FAT2: variants seen among roughly 807,000 people sequenced by gnomAD.
FAT2 encodes the protein FAT atypical cadherin 2.
A neutral mutation model predicts 295.3 loss-of-function variants in FAT2; 150 were observed. The observed-to-expected ratio is 0.51, with a 90% CI of 0.44 to 0.58. The LOEUF is 0.58. Ranked by LOEUF, FAT2 falls within the 20% of genes least tolerant of loss-of-function variation. FAT2 has a pLI of 0.00. For synonymous variants in FAT2, 2,026 were observed against 2,150.3 expected, an observed-to-expected ratio of 0.94 and a Z score of 1.60; for missense variants, 4,868 against 5,442.7, an observed-to-expected ratio of 0.89 and a Z score of 3.32.
At chr5:151,592,435 C>A (rs1436813856), upstream of FAT2, among the ~76,000 whole-genome samples, 1 of 152,028 alleles carries the variant, frequency 6.6e-6, no homozygotes, top group Non-Finnish European at 1.5e-5. Flanking sequence ...TCCCCTCCCT[C>A]CCCCCAGGTC....
intron 1 of FAT2, among the ~76,000 whole-genome samples, chr5:151,574,835 C>CAAAT (rs10670469): frequency 0.46 from 70,019 of 151,786 alleles, 16,212 homozygotes; most frequent in Middle Eastern, 0.5. Flanking sequence ...TATAACAAAA[C>CAAAT]AACTGGATGT....
At chr5:151,541,299 A>G (rs545460180) in intron 10 of FAT2, among the ~76,000 whole-genome samples, 1 of 152,364 alleles carries the variant, frequency 6.6e-6, no homozygotes, top group Non-Finnish European at 1.5e-5. Context: ...AGATCCTAAG[A>G]TTCCAGAGTT....
chr5:151,552,214 G>A (rs572825320), intron 6 of FAT2, among the ~76,000 whole-genome samples: 82 of 152,146 alleles, frequency 5.4e-4, no homozygotes, highest in South Asian at 1.2e-3. Context: ...CCTTGGACTC[G>A]GCCTCAAGTG....
intron 3 of FAT2, among the ~76,000 whole-genome samples, chr5:151,558,565 T>A (rs1400636468): frequency 6.6e-6 from 1 of 150,932 alleles, no homozygotes; most frequent in Non-Finnish European, 1.5e-5. Context: ...TGAGCCAAGA[T>A]CTCACCACTG....
rs139272925 is a variant in FAT2, at chr5:151,531,706, G to A, written c.9692C>T (p.Ala3231Val). 7 of 1,613,750 alleles carry A rather than the reference G, an allele frequency of 4.3e-6. No individual in the cohort carries two copies. In the African/African-American group the frequency reaches 5.3e-5, roughly 12 times the overall value. ...TEHSVQVPED[A>V]PPGTEVLQLA... Reference sequence around the variant, plus strand: ...CTGCAGCACCTCCGTGCCAGGTGGGGCGTCCTCGGGCACCTGCACGCTGTG... The same window carrying A: ...CTGCAGCACCTCCGTGCCAGGTGGGACGTCCTCGGGCACCTGCACGCTGTG... The change falls in exon 14 of 24, where the codon GCC becomes GTC. Residue 3231 changes from alanine (A) to valine (V), a missense_variant. By Grantham distance (64) the Ala-to-Val change is moderately conservative. Around this residue, in one of 5 missense-constraint regions of FAT2, gnomAD observed 1,046 missense variants for 1,210.1 expected, o/e 0.86. Transcript: ENST00000261800. This position sits in a 1 kb window ranked among gnomAD's most constrained non-coding sequence, Gnocchi z 5.7.
In FAT2 at chr5:151,568,027, G is replaced by T; in HGVS notation, c.905C>A (p.Ala302Asp). 2 of 1,614,158 alleles carry T rather than the reference G, an allele frequency of 1.2e-6. No homozygotes were observed. The highest frequency in any genetic ancestry group is 1.7e-6 in the Non-Finnish European group (2 of 1,180,032). ...VGGDPGKHFK[A>D]IKSYARSNEF... Reference sequence around the variant, plus strand: ...ATTGCTCCGGGCATAAGACTTGATGGCTTTGAAGTGCTTTCCAGGGTCACC... The same window carrying T: ...ATTGCTCCGGGCATAAGACTTGATGTCTTTGAAGTGCTTTCCAGGGTCACC... Residue 302 changes from alanine to aspartate, a missense_variant, in exon 2 of 24, where the codon GCC becomes GAC. Ala to Asp is a moderately radical substitution (Grantham distance 126). Transcript: ENST00000261800.
At position 151,534,684 on chromosome 5, in the gene FAT2, A is replaced by G. The variant is rs762692237; in HGVS notation, c.9194-42T>C. ...CAAAAGTTGAGCTTTCTCTGGGGAA[A>G]TATTACCCAAGCATGTGCCCTCTAT... is the stretch of plus-strand genomic sequence containing the variant. On this transcript the variant is annotated intron_variant, in intron 12 of 23. Coordinates refer to ENST00000261800, the MANE Select transcript of FAT2 (RefSeq NM_001447.3). 35 of 1,542,106 alleles carry G rather than the reference A, an allele frequency of 2.3e-5. No individual in the cohort carries two copies. In the Middle Eastern group the frequency reaches 5.1e-4, roughly 22 times the overall value.
rs1755471975 is a variant in FAT2 at position 151,537,309 on chromosome 5, G to GT, written c.9193+483_9193+484insA. Among the ~76,000 whole-genome samples, 4 of 72,340 alleles carry GT rather than the reference G, an allele frequency of 5.5e-5. 1 individual carries two copies. The South Asian group carries it at 3.4e-3, about 61-fold the overall frequency. The allele number at this position is 72,340 out of a possible 152,430, so 47.5% of individuals were successfully genotyped here. A position where few individuals can be genotyped will look rare whatever the true frequency, so the allele number is the denominator to read the frequency against. On this transcript the variant is annotated intron_variant, in intron 12 of 23. Coordinates refer to ENST00000261800, the MANE Select transcript of FAT2 (RefSeq NM_001447.3). ...GGAGGAGGAGGAGGGAGAGAGGGAAGAAAAAGAAAGAGAAAAAAAGAAAGA... is the reference window on the plus strand; with the variant it reads ...GGAGGAGGAGGAGGGAGAGAGGGAAGTAAAAAGAAAGAGAAAAAAAGAAAGA...
intron 1 of FAT2, among the ~76,000 whole-genome samples, chr5:151,570,862 C>T (rs570788870): frequency 4.6e-5 from 7 of 152,184 alleles, no homozygotes; most frequent in Non-Finnish European, 8.8e-5. Context: ...GAACTGGGCA[C>T]AGGGTTCCCC....
intron 12 of FAT2, among the ~76,000 whole-genome samples, chr5:151,536,281 G>A (rs974190548): frequency 1.3e-5 from 2 of 152,130 alleles, no homozygotes; most frequent in African/African-American, 4.8e-5. Context: ...ACAAAGAGCA[G>A]CAGAGAGAGG....
intron 14 of FAT2, among the ~76,000 whole-genome samples, chr5:151,530,467 T>C (rs139764476): frequency 8.3e-4 from 127 of 152,266 alleles, no homozygotes; most frequent in Middle Eastern, 3.4e-3. Context: ...AAAATTCTAT[T>C]AGACACATGA....
At position 151,563,659 on chromosome 5, in the gene FAT2, A is replaced by G. The variant is rs373590823; in HGVS notation, c.3260-20T>C. 8 of 1,605,628 alleles carry G rather than the reference A, an allele frequency of 5.0e-6. No homozygotes were observed. In the African/African-American group the frequency reaches 1.1e-4, roughly 22 times the overall value. ...TCATTCCTAGGGACAGTAAGTCAGCAAACCCAAAATACTTTAGAGCTCAAA... is the reference window on the plus strand; with the variant it reads ...TCATTCCTAGGGACAGTAAGTCAGCGAACCCAAAATACTTTAGAGCTCAAA... On this transcript the variant is annotated intron_variant, in intron 2 of 23. Coordinates refer to ENST00000261800, the MANE Select transcript of FAT2 (RefSeq NM_001447.3).
rs769099386 is a variant in FAT2 at position 151,542,356 on chromosome 5, A to G, written c.8771T>C (p.Leu2924Pro). The change falls in exon 10 of 24, where the codon CTG becomes CCG. Residue 2924 changes from leucine (L) to proline (P), a missense_variant. By Grantham distance (98) the Leu-to-Pro change is moderately conservative (BLOSUM62 -3). Coordinates refer to ENST00000261800, the MANE Select transcript of FAT2 (RefSeq NM_001447.3). Reference protein sequence around the residue: ...SVVENSEPGELVATLKTLDAD... With the variant: ...SVVENSEPGEPVATLKTLDAD... ...ATCCAGGGTCTTTAGAGTCGCCACCAGTTCGCCAGGCTCACTGTTCTCAAC... is the reference window on the plus strand; with the variant it reads ...ATCCAGGGTCTTTAGAGTCGCCACCGGTTCGCCAGGCTCACTGTTCTCAAC... The G allele has an allele frequency of 1.9e-6, 3 of 1,614,124 alleles. No homozygotes were observed. The Admixed American group carries it at 5.0e-5, about 27-fold the overall frequency.
In FAT2 at chr5:151,536,414, A is replaced by G. The variant is rs753287196; in HGVS notation, c.9193+1379T>C. On this transcript the variant is annotated intron_variant, in intron 12 of 23. Coordinates refer to ENST00000261800, the MANE Select transcript of FAT2 (RefSeq NM_001447.3). ...CTCCCCTGCCACCCCCTGCTCAGGT[A>G]TCTCCAAGTCATCCTGTGAGCTACT... is the stretch of plus-strand genomic sequence containing the variant. Among the ~76,000 whole-genome samples, 61 of 152,080 alleles carry G rather than the reference A, an allele frequency of 4.0e-4. 1 individual carries two copies. Among genetic ancestry groups the G allele is most frequent in the Admixed American group, 8.5e-4 (13 of 15,268 alleles).
In FAT2 at chr5:151,545,996, G is replaced by C; in HGVS notation, c.5131C>G (p.Leu1711Val). The C allele has an allele frequency of 6.2e-7, 1 of 1,614,138 alleles. No homozygotes were observed. Among genetic ancestry groups the C allele is most frequent in the South Asian group, 1.1e-5 (1 of 91,074 alleles). The part of the protein sequence containing the change: ...GVFSMNSYSG[L>V]ISTQKKLDHE... ...TCCAATTTCTTCTGGGTGGAAATAA[G>C]GCCAGAATATGAGTTCATAGAGAAG... The change falls in exon 10 of 24, where the codon CTT becomes GTT. Residue 1711 changes from leucine (L) to valine (V), a missense_variant. Leu to Val is a conservative substitution (Grantham distance 32). Coordinates refer to ENST00000261800, the MANE Select transcript of FAT2 (RefSeq NM_001447.3).
intron 1 of FAT2, among the ~76,000 whole-genome samples, chr5:151,577,562 G>A (rs1037894857): frequency 6.6e-6 from 1 of 152,150 alleles, no homozygotes; most frequent in Non-Finnish European, 1.5e-5. Flanking sequence ...ATGGAGGGGA[G>A]ATGCTATTTT....
In FAT2 at chr5:151,591,260, CAG is replaced by C. The variant is rs1336398830; in HGVS notation, c.-118_-117del. On this transcript the variant is annotated 5_prime_UTR_variant, in exon 1 of 24. Transcript: ENST00000261800. ...GGCTGACAGGCTCCTGAGGGAGGTGCAGAGACTCGGAGCAGGAAGGCGCGCAG... is the reference window on the plus strand; with the variant it reads ...GGCTGACAGGCTCCTGAGGGAGGTGCAGACTCGGAGCAGGAAGGCGCGCAG... 1.3e-5 allele frequency among the ~76,000 whole-genome samples: 2 copies of C among 152,206 alleles called. No individual in the cohort carries two copies. Among genetic ancestry groups the C allele is most frequent in the African/African-American group, 4.8e-5 (2 of 41,454 alleles).
rs2127646464 is a variant in FAT2 at position 151,566,623 on chromosome 5, C to A, written c.2309G>T (p.Gly770Val). The change falls in exon 2 of 24, where the codon GGG becomes GTG. Residue 770 changes from glycine to valine, a missense_variant. Gly to Val is a moderately radical substitution (Grantham distance 109, BLOSUM62 -3). This residue lies in a region of FAT2 where 3,297 missense variants were observed against 3,669.4 expected (regional missense o/e 0.90). Transcript: ENST00000261800. ...CAAGGGAGCAGCTACAGTGAGCAGC[C>A]CTGTCTCCAGCTCTATGTCAAAGCA... ...EGCFDIELET[G>V]LLTVAAPLDY... is the part of the protein sequence containing the mutation. 6.2e-7 allele frequency: 1 copy of A among 1,614,130 alleles called. No homozygotes were observed. The highest frequency in any genetic ancestry group is 8.5e-7 in the Non-Finnish European group (1 of 1,180,020).
chr5:151,570,783 G>A (rs1225394542), intron 1 of FAT2, among the ~76,000 whole-genome samples: 1 of 152,198 alleles, frequency 6.6e-6, no homozygotes, highest in Admixed American at 6.5e-5. Context: ...CAAAGCCAAG[G>A]AAGAGTTAAA....
Sources: allele counts gnomAD v4.1 joint callset (sites outside exome capture counted in the v4.1 genomes callset), GRCh38; gene constraint gnomAD v4.1.1; regional missense constraint gnomAD v4.1.1; non-coding constraint Gnocchi (gnomAD v3.1); transcripts MANE v1.5; gene names NCBI Gene and HGNC (gene_info 2026-07-23, HGNC 2026-07-21).